THUMPD3: variants seen among roughly 807,000 people sequenced by gnomAD.
THUMPD3 encodes the protein THUMP domain 3 tRNA guanosine methyltransferase.
A neutral mutation model predicts 54.5 loss-of-function variants in THUMPD3; 44 were observed. The ratio of observed to expected loss-of-function variants is 0.81; its 90% confidence interval spans 0.63 to 1.04. The LOEUF (loss-of-function observed/expected upper bound fraction) is 1.04, where lower values mean the gene tolerates loss of function less well. Among genes scored for constraint, THUMPD3 ranks in the 50% least tolerant of loss-of-function variants. The probability of loss-of-function intolerance (pLI) is 0.00; values close to 1 mark genes in which losing one functional copy is unlikely to be tolerated. For synonymous variants in THUMPD3, 196 were observed against 201.4 expected (o/e 0.97, Z 0.23); for missense variants, 604 against 601.3 (o/e 1.00, Z -0.05).
At position 9,384,625 on chromosome 3, in the gene THUMPD3, A is replaced by G. The variant is rs185860003; in HGVS notation, c.1461A>G (p.Gln487=). 1 of 1,614,230 alleles carries G rather than the reference A, an allele frequency of 6.2e-7. No homozygotes were observed. Among genetic ancestry groups the G allele is most frequent in the East Asian group, 2.2e-5 (1 of 44,892 alleles). The change falls in exon 10 of 10, where the codon CAA becomes CAG. Residue 487 remains glutamine (Q), a synonymous_variant. Transcript: ENST00000452837. ...AAVYVLIRTP[Q]AFVHPSEQDG... ...TTTACGTTCTGATACGTACACCTCA[A>G]GCTTTTGTTCATCCTTCAGAACAAG...
In THUMPD3 at chr3:9,381,213, C is replaced by T. The variant is rs150145990; in HGVS notation, c.1124+595C>T. ...CCTTCCAAATTGCTGGGATTAGAGA[C>T]GAGTCACCACACCTGGACCATAGTC... On this transcript the variant is annotated intron_variant, in intron 7 of 9. Transcript: ENST00000452837. 5.9e-5 allele frequency among the ~76,000 whole-genome samples: 9 copies of T among 152,304 alleles called. No individual in the cohort carries two copies. The East Asian group carries it at 1.2e-3, about 20-fold the overall frequency.
In THUMPD3 at chr3:9,365,740, C is replaced by T. The variant is rs543010244; in HGVS notation, c.252+420C>T. ...CCCAGTAGCTGGGACTACAGGCGCC[C>T]GCCACCGCATCTGGCTAATTTTTGT... On this transcript the variant is annotated intron_variant, in intron 2 of 9. Coordinates refer to ENST00000452837, the MANE Select transcript of THUMPD3 (RefSeq NM_001114092.2). 1.7e-3 allele frequency among the ~76,000 whole-genome samples: 266 copies of T among 152,124 alleles called. 1 individual carries two copies. Among genetic ancestry groups the T allele is most frequent in the South Asian group, 7.3e-3 (35 of 4,806 alleles).
At chr3:9,380,155 C>T (rs1166467098) in intron 6 of THUMPD3, among the ~76,000 whole-genome samples, 2 of 152,098 alleles carry the variant, frequency 1.3e-5, no homozygotes, top group South Asian at 4.1e-4. Context: ...AGAGAGCTCC[C>T]AGGTTAGTTG....
chr3:9,386,600 T>G lies in THUMPD3; in HGVS notation c.*1912T>G, dbSNP rs548352395. The G allele has an allele frequency of 6.6e-6, 1 of 152,228 alleles. No individual in the cohort carries two copies. The highest frequency in any genetic ancestry group is 2.4e-5 in the African/African-American group (1 of 41,530). 9.4% of individuals were successfully genotyped at this position (152,228 alleles called of 1,614,324 possible). A position where few individuals can be genotyped will look rare whatever the true frequency, so the allele number is the denominator to read the frequency against. On this transcript the variant is annotated 3_prime_UTR_variant, in exon 10 of 10. Coordinates refer to ENST00000452837, the MANE Select transcript of THUMPD3 (RefSeq NM_001114092.2). Reference sequence around the variant, plus strand: ...AATAGTTTGCCGTCTTCTTCCCTAGTATGGTGTTTTTCAATCTGGTGACTA... The same window carrying G: ...AATAGTTTGCCGTCTTCTTCCCTAGGATGGTGTTTTTCAATCTGGTGACTA...
intron 3 of THUMPD3, among the ~76,000 whole-genome samples, chr3:9,368,941 T>C (rs1467076246): frequency 6.6e-6 from 1 of 152,244 alleles, no homozygotes; most frequent in Non-Finnish European, 1.5e-5. Flanking sequence ...ATGCTTTTTT[T>C]TCATATACAA....
In THUMPD3 at chr3:9,386,138, T is replaced by G. The variant is rs1319057727; in HGVS notation, c.*1450T>G. ...AGCAGCACAGCCAGCAATCCTCATCTGGTTTCTCTGATCTCCTACCCCACA... is the reference window on the plus strand; with the variant it reads ...AGCAGCACAGCCAGCAATCCTCATCGGGTTTCTCTGATCTCCTACCCCACA... On this transcript the variant is annotated 3_prime_UTR_variant, in exon 10 of 10. Coordinates refer to ENST00000452837, the MANE Select transcript of THUMPD3 (RefSeq NM_001114092.2). 6.6e-6 allele frequency: 1 copy of G among 152,240 alleles called. No individual in the cohort carries two copies. Among genetic ancestry groups the G allele is most frequent in the Admixed American group, 6.5e-5 (1 of 15,286 alleles). 9.4% of individuals were successfully genotyped at this position (152,240 alleles called of 1,614,324 possible). A position where few individuals can be genotyped will look rare whatever the true frequency, so the allele number is the denominator to read the frequency against.
intron 6 of THUMPD3, among the ~76,000 whole-genome samples, chr3:9,378,839 A>G (rs1489831937): frequency 1.3e-5 from 2 of 152,228 alleles, no homozygotes; most frequent in African/African-American, 4.8e-5. Flanking sequence ...TGTGGCCAAG[A>G]AGGATTCTGG....
intron 4 of THUMPD3, among the ~76,000 whole-genome samples, chr3:9,372,481 G>A (rs2032132571): frequency 6.6e-6 from 1 of 152,020 alleles, no homozygotes; most frequent in Non-Finnish European, 1.5e-5. Flanking sequence ...TGGGGAGGCT[G>A]AGGCAGGAGA....
chr3:9,365,133 CTG>C lies in THUMPD3; in HGVS notation c.67_68del (p.Val23ThrfsTer6), dbSNP rs749251786. On this transcript the variant is annotated frameshift_variant, in exon 2 of 10. Coordinates refer to ENST00000452837, the MANE Select transcript of THUMPD3 (RefSeq NM_001114092.2). LOFTEE classifies it high-confidence loss of function. The stretch of plus-strand genomic sequence containing the variant: ...GTGAACCTTCATGAGAACCAGAAGT[CTG>C]TACAAGTGACAGAAAGTGACCTCGG... 1 of 1,614,070 alleles carries C rather than the reference CTG, an allele frequency of 6.2e-7. No homozygotes were observed. Among genetic ancestry groups the C allele is most frequent in the African/African-American group, 1.3e-5 (1 of 74,910 alleles).
At chr3:9,380,456 T>C (rs2032793755) in intron 6 of THUMPD3, 47 bp from the exon 7 acceptor site, 1 of 1,267,462 alleles carries the variant, frequency 7.9e-7, no homozygotes, top group African/African-American at 1.5e-5. Context: ...TTTAATCATA[T>C]TTTACAGTTT....
At position 9,380,074 on chromosome 3, in the gene THUMPD3, G is replaced by A. The variant is rs114975466; in HGVS notation, c.1009-429G>A. On this transcript the variant is annotated intron_variant, in intron 6 of 9. Coordinates refer to ENST00000452837, the MANE Select transcript of THUMPD3 (RefSeq NM_001114092.2). Reference sequence around the variant, plus strand: ...CACAAATCTCAAATATTTTCAAACCGCATTAACTTAGAATTTAGTGTGCCA... The same window carrying A: ...CACAAATCTCAAATATTTTCAAACCACATTAACTTAGAATTTAGTGTGCCA... Among the ~76,000 whole-genome samples the A allele has an allele frequency of 4.8e-3, 733 of 152,148 alleles. 14 individuals are homozygous for A. Among genetic ancestry groups the A allele is most frequent in the African/African-American group, 0.017 (706 of 41,482 alleles).
intron 4 of THUMPD3, among the ~76,000 whole-genome samples, chr3:9,374,162 A>C (rs2032275855): frequency 6.6e-6 from 1 of 152,210 alleles, no homozygotes; most frequent in Admixed American, 6.5e-5. Flanking sequence ...ATCATATAGT[A>C]TATAGTTTTT....
At position 9,383,305 on chromosome 3, in the gene THUMPD3, A is replaced by G; in HGVS notation, c.1231A>G (p.Lys411Glu). ...DIIVTDLPFG[K>E]RMGSKKRNWN... The stretch of plus-strand genomic sequence containing the variant: ...TATTGTAACAGATTTGCCATTTGGA[A>G]AAAGGTGAGAAATACTAGTACCTGC... Residue 411 changes from lysine to glutamate, a missense_variant, in exon 8 of 10, where the codon AAA (lysine) becomes GAA (glutamate). By Grantham distance (56) the Lys-to-Glu change is moderately conservative. Transcript: ENST00000452837. 6.2e-7 allele frequency: 1 copy of G among 1,604,082 alleles called. No individual in the cohort carries two copies. Among genetic ancestry groups the G allele is most frequent in the Non-Finnish European group, 8.5e-7 (1 of 1,170,896 alleles).
chr3:9,384,151 A>T, intron 8 of THUMPD3, 61 bp from the exon 9 acceptor site: 1 of 1,580,278 alleles, frequency 6.3e-7, no homozygotes, highest in Admixed American at 1.8e-5. Context: ...TTTTTGTTTC[A>T]TATAGTCCTT....
chr3:9,365,230 T>G lies in THUMPD3; in HGVS notation c.162T>G (p.Asp54Glu), dbSNP rs774964053. ...CTGGCTTTGAGCAAACAGCTGCAGATGAAGTCAGAGAGAAACTTGGGTCAT... is the reference window on the plus strand; with the variant it reads ...CTGGCTTTGAGCAAACAGCTGCAGAGGAAGTCAGAGAGAAACTTGGGTCAT... ...VPTGFEQTAA[D>E]EVREKLGSSC... The change falls in exon 2 of 10, where the codon GAT becomes GAG. Residue 54 changes from aspartate to glutamate, a missense_variant. Physicochemically the swap from Asp to Glu is conservative, Grantham distance 45. Transcript: ENST00000452837. 1 of 1,614,184 alleles carries G rather than the reference T, an allele frequency of 6.2e-7. No homozygotes were observed. The highest frequency in any genetic ancestry group is 1.1e-5 in the South Asian group (1 of 91,082).
intron 5 of THUMPD3, among the ~76,000 whole-genome samples, chr3:9,376,557 A>G (rs2648560): frequency 0.14 from 21,209 of 152,150 alleles, 2,618 homozygotes; most frequent in East Asian, 0.38. Context: ...CAAGGATTCT[A>G]TTGCCATGTG....
intron 3 of THUMPD3, among the ~76,000 whole-genome samples, chr3:9,369,545 A>C (rs2031863742): frequency 6.6e-6 from 1 of 152,140 alleles, no homozygotes; most frequent in Admixed American, 6.5e-5. Flanking sequence ...ACTTCAAAAA[A>C]ATTTTAGGTT....
At chr3:9,379,805 AC>A in intron 6 of THUMPD3, among the ~76,000 whole-genome samples, 1 of 151,962 alleles carries the variant, frequency 6.6e-6, no homozygotes, top group Middle Eastern at 3.4e-3. Context: ...CCATTCTCCC[AC>A]CTCAGCCTCT....
At position 9,385,236 on chromosome 3, in the gene THUMPD3, G is replaced by C. The variant is rs77638650; in HGVS notation, c.*548G>C. ...GTTGAAAATACTTTAAAGATGCCTA[G>C]TGAAAAGCCTACTAAAGTGCTGTGA... On this transcript the variant is annotated 3_prime_UTR_variant, in exon 10 of 10. Transcript: ENST00000452837. The C allele has an allele frequency of 6.5e-6, 1 of 153,092 alleles. No individual in the cohort carries two copies. Among genetic ancestry groups the C allele is most frequent in the African/African-American group, 2.4e-5 (1 of 41,572 alleles). The allele number at this position is 153,092 out of a possible 1,614,324, so 9.5% of individuals were successfully genotyped here.
Sources: allele counts gnomAD v4.1 joint callset (sites outside exome capture counted in the v4.1 genomes callset), GRCh38; gene constraint gnomAD v4.1.1; transcripts MANE v1.5; gene names NCBI Gene and HGNC (gene_info 2026-07-23, HGNC 2026-07-21).